Variants in CNTNAP2 observed in about 807,000 individuals in gnomAD.
CNTNAP2 encodes the protein contactin-associated protein-like 2.
A neutral mutation model predicts 155.2 loss-of-function variants in CNTNAP2; 98 were observed. The ratio of observed to expected loss-of-function variants is 0.63; its 90% CI spans 0.54 to 0.75. CNTNAP2 has a LOEUF of 0.75. Ranked by LOEUF, CNTNAP2 falls within the 30% of genes least tolerant of loss-of-function variation. The pLI, the probability that CNTNAP2 is intolerant of heterozygous loss-of-function variation, is 0.00. For synonymous variants in CNTNAP2, 651 were observed against 631.2 expected (o/e 1.03, Z -0.47); for missense variants, 1,727 against 1,688.1 (o/e 1.02, Z -0.40).
At chr7:146,628,658 C>G (rs1171922274) in intron 1 of CNTNAP2, among the ~76,000 whole-genome samples, 9 of 151,702 alleles carry the variant, frequency 5.9e-5, no homozygotes, top group African/African-American at 2.4e-5. Context: ...AACTATGAAC[C>G]CTTGAGCACT....
intron 8 of CNTNAP2, among the ~76,000 whole-genome samples, chr7:147,262,714 G>A (rs1795513124): frequency 6.6e-6 from 1 of 152,318 alleles, no homozygotes; most frequent in South Asian, 2.1e-4. Context: ...GCTGAGGCAG[G>A]AGAATGGCAT....
chr7:146,921,517 A>G (rs1236386710), intron 3 of CNTNAP2, among the ~76,000 whole-genome samples: 1 of 152,170 alleles, frequency 6.6e-6, no homozygotes, highest in Non-Finnish European at 1.5e-5. Context: ...ATCGACTCAC[A>G]GTTCTGCATA....
At chr7:147,666,383 C>T (rs1795697326) in intron 13 of CNTNAP2, among the ~76,000 whole-genome samples, 1 of 152,154 alleles carries the variant, frequency 6.6e-6, no homozygotes, top group South Asian at 2.1e-4. Flanking sequence ...TGTAGCCCAC[C>T]ACATTACTCA....
chr7:146,706,403 G>A (rs916153299), intron 1 of CNTNAP2, among the ~76,000 whole-genome samples: 1 of 151,368 alleles, frequency 6.6e-6, no homozygotes, highest in African/African-American at 2.5e-5. Context: ...AATTAAAAAA[G>A]AAAGAGATTC....
intron 15 of CNTNAP2, among the ~76,000 whole-genome samples, chr7:148,030,054 C>A (rs1802446643): frequency 6.6e-6 from 1 of 152,168 alleles, no homozygotes; most frequent in Non-Finnish European, 1.5e-5. Flanking sequence ...TAATTTCCAA[C>A]CCATTTGAGT....
chr7:146,555,648 T>G (rs1189075273), intron 1 of CNTNAP2, among the ~76,000 whole-genome samples: 1 of 152,082 alleles, frequency 6.6e-6, no homozygotes, highest in Non-Finnish European at 1.5e-5. Flanking sequence ...TAGAGAACAA[T>G]AAAAGACTAC....
intron 9 of CNTNAP2, among the ~76,000 whole-genome samples, chr7:147,316,279 A>C (rs1795232208): frequency 6.6e-6 from 1 of 152,126 alleles, no homozygotes; most frequent in Non-Finnish European, 1.5e-5. Flanking sequence ...TAGGAAAAAA[A>C]CAAATGTCTG....
intron 3 of CNTNAP2, among the ~76,000 whole-genome samples, chr7:146,879,128 G>A (rs1795487042): frequency 1.3e-5 from 2 of 152,158 alleles, no homozygotes; most frequent in African/African-American, 4.8e-5. Context: ...GACTGAGGCA[G>A]TGTCTGTGCT....
chr7:147,777,304 A>G (rs148292114), intron 13 of CNTNAP2, among the ~76,000 whole-genome samples: 1,673 of 152,330 alleles, frequency 0.011, 99 homozygotes, highest in Admixed American at 0.087. Context: ...TAAAGTAGAG[A>G]AAAAATAAGT....
chr7:146,160,295 G>A (rs1034319253), intron 1 of CNTNAP2, among the ~76,000 whole-genome samples: 10 of 152,132 alleles, frequency 6.6e-5, no homozygotes, highest in Middle Eastern at 3.4e-3. Context: ...AGAAAAGCAC[G>A]AGCAAACACA....
chr7:147,387,784 T>C (rs373418391), intron 9 of CNTNAP2, among the ~76,000 whole-genome samples: 6 of 152,316 alleles, frequency 3.9e-5, no homozygotes, highest in East Asian at 1.9e-4. Context: ...TATCATATAG[T>C]AGGTCTCGTT....
At chr7:147,872,533 C>A (rs1360561815) in intron 13 of CNTNAP2, among the ~76,000 whole-genome samples, 1 of 152,190 alleles carries the variant, frequency 6.6e-6, no homozygotes, top group Non-Finnish European at 1.5e-5. Context: ...GAGATGAGCT[C>A]TTTCAACAAA....
At chr7:146,317,081 A>G (rs1451483850) in intron 1 of CNTNAP2, among the ~76,000 whole-genome samples, 1 of 152,214 alleles carries the variant, frequency 6.6e-6, no homozygotes, top group East Asian at 1.9e-4. Context: ...ATTGATAAAC[A>G]TTTGTATTTT....
chr7:148,169,437 A>T (rs1184870510), intron 17 of CNTNAP2, among the ~76,000 whole-genome samples: 1 of 152,208 alleles, frequency 6.6e-6, no homozygotes, highest in Non-Finnish European at 1.5e-5. Flanking sequence ...ATTAGACTTA[A>T]AAGTATGATT....
intron 1 of CNTNAP2, among the ~76,000 whole-genome samples, chr7:146,356,085 ACACACACACG>A (rs1415936176): frequency 3.1e-5 from 4 of 127,986 alleles, no homozygotes; most frequent in Non-Finnish European, 5.0e-5. Flanking sequence ...ACACACACAC[ACACACACACG>A]GGAGTTTACA....
At chr7:147,765,077 CAG>C (rs1230027486) in intron 13 of CNTNAP2, among the ~76,000 whole-genome samples, 4 of 152,162 alleles carry the variant, frequency 2.6e-5, no homozygotes, top group Non-Finnish European at 4.4e-5. Context: ...TGGTTTTAAA[CAG>C]AGTAAGAATA....
chr7:146,321,976 T>C (rs1165402600), intron 1 of CNTNAP2, among the ~76,000 whole-genome samples: 1 of 150,678 alleles, frequency 6.6e-6, no homozygotes, highest in Non-Finnish European at 1.5e-5. Context: ...CATTTAAATA[T>C]GAAAAAAAAT....
intron 21 of CNTNAP2, among the ~76,000 whole-genome samples, chr7:148,333,137 A>AT (rs1270494633): frequency 1.3e-5 from 2 of 151,950 alleles, no homozygotes; most frequent in Admixed American, 6.6e-5. Flanking sequence ...CAAAACACTC[A>AT]TTTTTTCAGG....
chr7:147,022,883 C>T (rs1458411386), intron 3 of CNTNAP2, among the ~76,000 whole-genome samples: 2 of 152,084 alleles, frequency 1.3e-5, no homozygotes, highest in East Asian at 1.9e-4. Context: ...AACACCACAG[C>T]GCTGGTCACT....
Sources: gnomAD v4.1 joint callset for allele counts (sites outside exome capture counted in the v4.1 genomes callset) on GRCh38, gnomAD v4.1.1 for gene constraint, MANE v1.5 for transcripts, NCBI Gene and HGNC (gene_info 2026-07-23, HGNC 2026-07-21) for gene names.